The following AKT3 variants were observed in gnomAD, a reference collection of about 807,000 sequenced individuals.
The protein encoded by AKT3 is AKT serine/threonine kinase 3.
In AKT3, 15 loss-of-function variants were observed where a neutral mutation model predicts 65.3. That is an observed-to-expected ratio of 0.23 (90% confidence interval 0.15 to 0.35). AKT3 has a LOEUF of 0.35. AKT3 is among the 10% of genes least tolerant of loss of function. The pLI is 1.00. For synonymous variants in AKT3, 206 were observed against 183.8 expected, an observed-to-expected ratio of 1.12 and a Z score of -0.98; for missense variants, 243 against 576.5, an observed-to-expected ratio of 0.42 and a Z score of 5.92.
At chr1:243,648,644 G>A (rs955246126) in intron 4 of AKT3, among the ~76,000 whole-genome samples, 1 of 152,148 alleles carries the variant, frequency 6.6e-6, no homozygotes, top group Non-Finnish European at 1.5e-5. Flanking sequence ...GCTTGTAGAG[G>A]ATTGGTCAAA....
chr1:243,769,624 T>C (rs1045191519), intron 2 of AKT3, among the ~76,000 whole-genome samples: 2 of 152,194 alleles, frequency 1.3e-5, no homozygotes, highest in Non-Finnish European at 2.9e-5. Context: ...TCTATTCAGA[T>C]TTCTTAATTG....
intron 2 of AKT3, among the ~76,000 whole-genome samples, chr1:243,812,310 T>G (rs562325849): frequency 6.6e-6 from 1 of 151,870 alleles, no homozygotes; most frequent in East Asian, 1.9e-4. Context: ...TACAAAGAAC[T>G]CAAACAAATT....
At chr1:243,489,832 TAGATCCGGG>T (rs1377417701) in intron 13 of AKT3, among the ~76,000 whole-genome samples, 2 of 152,206 alleles carry the variant, frequency 1.3e-5, no homozygotes, top group Non-Finnish European at 2.9e-5. Context: ...CCATTCAGGT[TAGATCCGGG>T]GCCACCAGCA....
At chr1:243,662,402 T>C (rs1682427050) in intron 4 of AKT3, among the ~76,000 whole-genome samples, 1 of 151,948 alleles carries the variant, frequency 6.6e-6, no homozygotes, top group Non-Finnish European at 1.5e-5. Flanking sequence ...TCATGTCCTT[T>C]GTAGGGACAT....
chr1:243,727,345 G>A (rs190603263), intron 2 of AKT3, among the ~76,000 whole-genome samples: 1 of 152,204 alleles, frequency 6.6e-6, no homozygotes, highest in East Asian at 1.9e-4. Flanking sequence ...CCAGGCTGGA[G>A]TGCGATGGTA....
chr1:243,519,439 TGAA>T (rs1386070090), intron 12 of AKT3, among the ~76,000 whole-genome samples: 1 of 152,166 alleles, frequency 6.6e-6, no homozygotes, highest in African/African-American at 2.4e-5. Flanking sequence ...GCAATGGGTA[TGAA>T]GAAGTGGAAA....
chr1:243,831,333 A>C (rs1316638289), intron 2 of AKT3, among the ~76,000 whole-genome samples: 1 of 152,230 alleles, frequency 6.6e-6, no homozygotes, highest in Non-Finnish European at 1.5e-5. Context: ...AGTCATAAGG[A>C]GGTCAAGACA....
At chr1:243,630,986 TC>T (rs1679565504) in intron 6 of AKT3, among the ~76,000 whole-genome samples, 1 of 151,686 alleles carries the variant, frequency 6.6e-6, no homozygotes, top group Non-Finnish European at 1.5e-5. Context: ...TTTTTTTTTT[TC>T]CATACAGGCA....
At chr1:243,490,131 TCTC>T (rs1259841598) in intron 13 of AKT3, among the ~76,000 whole-genome samples, 1 of 152,196 alleles carries the variant, frequency 6.6e-6, no homozygotes, top group Non-Finnish European at 1.5e-5. Context: ...GGAGTCTCAT[TCTC>T]CTCACAAAAT....
intron 2 of AKT3, among the ~76,000 whole-genome samples, chr1:243,839,866 CAAA>C (rs761747534): frequency 2.8e-5 from 2 of 72,658 alleles, no homozygotes. Flanking sequence ...GACTCCATCT[CAAA>C]AAAAAAAAAA....
chr1:243,849,587 T>C (rs1186639692), intron 1 of AKT3, among the ~76,000 whole-genome samples: 1 of 151,206 alleles, frequency 6.6e-6, no homozygotes, highest in African/African-American at 2.4e-5. Flanking sequence ...CTCCACGCGT[T>C]ATATAACCTC....
At chr1:243,819,193 C>G (rs920661184) in intron 2 of AKT3, among the ~76,000 whole-genome samples, 1 of 152,238 alleles carries the variant, frequency 6.6e-6, no homozygotes, top group Non-Finnish European at 1.5e-5. Context: ...GACGACTAAG[C>G]TCCCCAGGGA....
At chr1:243,701,553 T>C (rs146377170) in intron 2 of AKT3, among the ~76,000 whole-genome samples, 2 of 152,162 alleles carry the variant, frequency 1.3e-5, no homozygotes, top group East Asian at 3.9e-4. Flanking sequence ...CATAGCACTA[T>C]TTTTCACAAA....
intron 8 of AKT3, among the ~76,000 whole-genome samples, chr1:243,605,189 A>G (rs1390955355): frequency 1.3e-5 from 2 of 150,100 alleles, no homozygotes; most frequent in African/African-American, 2.4e-5. Context: ...ATCACCATAC[A>G]TGGCTAACTT....
chr1:243,705,873 G>A (rs759764418), intron 2 of AKT3, among the ~76,000 whole-genome samples: 3 of 152,130 alleles, frequency 2.0e-5, no homozygotes, highest in Non-Finnish European at 4.4e-5. Flanking sequence ...TCTGTTTACT[G>A]CATTAGAGCA....
chr1:243,764,300 A>C (rs754023514), intron 2 of AKT3, among the ~76,000 whole-genome samples: 1 of 152,016 alleles, frequency 6.6e-6, no homozygotes, highest in Non-Finnish European at 1.5e-5. Context: ...AAACTCTATA[A>C]AGTAAAAGGG....
intron 10 of AKT3, among the ~76,000 whole-genome samples, chr1:243,553,954 T>C (rs796267118): frequency 1.6e-4 from 24 of 152,322 alleles, no homozygotes; most frequent in African/African-American, 5.8e-4. Flanking sequence ...ACCAAATATA[T>C]GAATTTATCA....
intron 2 of AKT3, among the ~76,000 whole-genome samples, chr1:243,821,135 T>C (rs1006369002): frequency 8.6e-5 from 13 of 151,966 alleles, no homozygotes; most frequent in African/African-American, 3.1e-4. Flanking sequence ...ATATACAACA[T>C]TAAGAAAAAA....
At chr1:243,488,515 A>G in intron 13 of AKT3, 1 of 198,976 alleles carries the variant, frequency 5.0e-6, no homozygotes, top group Non-Finnish European at 1.0e-5. Flanking sequence ...GCCCATCAGC[A>G]GAATGACAAA....
Sources: gnomAD v4.1 joint callset for allele counts (sites outside exome capture counted in the v4.1 genomes callset) on GRCh38, gnomAD v4.1.1 for gene constraint, MANE v1.5 for transcripts, NCBI Gene and HGNC (gene_info 2026-07-23, HGNC 2026-07-21) for gene names.